The following NOS1 variants were observed in gnomAD, a reference collection of about 807,000 sequenced individuals.
NOS1 encodes the protein NOS type I.
NOS1 carries 51 observed loss-of-function variants against 164.5 expected under a neutral mutation model. The ratio of observed to expected loss-of-function variants is 0.31; its 90% CI spans 0.25 to 0.39. The LOEUF is 0.39. Among genes scored for constraint, NOS1 ranks in the 10% least tolerant of loss-of-function variants. NOS1 has a pLI of 1.00. For synonymous variants in NOS1, 719 were observed against 745.8 expected (o/e 0.96, Z 0.59); for missense variants, 1,362 against 1,885.6 (o/e 0.72, Z 5.14).
At chr12:117,276,605 G>A (rs563066151) in intron 9 of NOS1, among the ~76,000 whole-genome samples, 52 of 150,190 alleles carry the variant, frequency 3.5e-4, no homozygotes, top group African/African-American at 1.1e-3. Context: ...CCTCTTAACC[G>A]CCCCCATCTT....
chr12:117,208,883 G>T lies in NOS1; in HGVS notation c.*6426C>A. 2 of 608,328 alleles carry T rather than the reference G, an allele frequency of 3.3e-6. No individual in the cohort carries two copies. Among genetic ancestry groups the T allele is most frequent in the Non-Finnish European group, 4.1e-6 (2 of 485,238 alleles). The allele number at this position is 608,328 out of a possible 1,614,324, so 37.7% of individuals were successfully genotyped here. On this transcript the variant is annotated 3_prime_UTR_variant, in exon 29 of 29. Transcript: ENST00000317775. The stretch of plus-strand genomic sequence containing the variant: ...GATTACAGATGCCCGCCACCACGCC[G>T]GGCTGATTTTTGTATTTTTAGTAGA...
At chr12:117,237,322 G>A (rs765564775) in intron 20 of NOS1, among the ~76,000 whole-genome samples, 5 of 151,714 alleles carry the variant, frequency 3.3e-5, no homozygotes, top group Non-Finnish European at 5.9e-5. Flanking sequence ...AGCAGAGACA[G>A]GGTTTAACCA....
Position 117,259,091 on chromosome 12 carries a change from G to A in NOS1, c.2407C>T (p.His803Tyr). ...GTGACCACAAGGACCAGAGTTTCAT[G>A]TTCCAGGTGCACAATGTCATATTCT... ...MEEYDIVHLE[H>Y]ETLVLVVTST... is the part of the protein sequence containing the mutation. Residue 803 changes from histidine (H) to tyrosine (Y), a missense_variant, in exon 15 of 29, where the codon CAT becomes TAT. His to Tyr is a moderately conservative substitution (Grantham distance 83). Coordinates refer to ENST00000317775, the MANE Select transcript of NOS1 (RefSeq NM_000620.5). 1 of 1,614,150 alleles carries A rather than the reference G, an allele frequency of 6.2e-7. No homozygotes were observed. Among genetic ancestry groups the A allele is most frequent in the Non-Finnish European group, 8.5e-7 (1 of 1,180,008 alleles).
intron 7 of NOS1, among the ~76,000 whole-genome samples, chr12:117,284,364 C>T (rs954876621): frequency 2.6e-5 from 4 of 152,158 alleles, no homozygotes; most frequent in South Asian, 4.1e-4. Context: ...GACTTGCCAG[C>T]GTGGCCGCCA....
chr12:117,306,705 C>T (rs555979486), intron 3 of NOS1, among the ~76,000 whole-genome samples: 1 of 152,096 alleles, frequency 6.6e-6, no homozygotes, highest in Admixed American at 6.5e-5. Flanking sequence ...CTGCAACCTC[C>T]ACCTCCCAGG....
chr12:117,336,485 C>T (rs1350226941), intron 1 of NOS1, among the ~76,000 whole-genome samples: 1 of 152,138 alleles, frequency 6.6e-6, no homozygotes, highest in East Asian at 1.9e-4. Context: ...TGGACTGTGG[C>T]AGGTTCAGTT....
chr12:117,320,606 G>T (rs2136063769), intron 2 of NOS1, among the ~76,000 whole-genome samples: 1 of 152,304 alleles, frequency 6.6e-6, no homozygotes, highest in South Asian at 2.1e-4. Flanking sequence ...AGTGTGGGGT[G>T]ATTTGTTATG....
At chr12:117,281,519 CAA>C (rs56248436) in intron 7 of NOS1, among the ~76,000 whole-genome samples, 1 of 50,850 alleles carries the variant, frequency 2.0e-5, no homozygotes. Context: ...GACTCCATCT[CAA>C]AAAAAAAAAA....
intron 7 of NOS1, among the ~76,000 whole-genome samples, chr12:117,284,957 G>A (rs1007054713): frequency 6.6e-6 from 1 of 151,394 alleles, no homozygotes; most frequent in African/African-American, 2.4e-5. Flanking sequence ...GGCTGAGGCA[G>A]GAGAATCGCT....
rs567970918 is a variant in NOS1, at chr12:117,258,579, G to A, written c.2473-124C>T. 9.7e-5 allele frequency: 90 copies of A among 929,488 alleles called. 2 individuals carry two copies. The Middle Eastern group carries it at 8.8e-3, about 91-fold the overall frequency. The allele number at this position is 929,488 out of a possible 1,614,324, so 57.6% of individuals were successfully genotyped here. ...CTGATGCCCGGAGGCCAGGATGTCA[G>A]GAGCGGTCAGGGGCTCAGGCTGGAC... On this transcript the variant is annotated intron_variant, in intron 15 of 28. Coordinates refer to ENST00000317775, the MANE Select transcript of NOS1 (RefSeq NM_000620.5).
intron 2 of NOS1, among the ~76,000 whole-genome samples, chr12:117,313,372 G>GCAGC (rs1874525751): frequency 6.6e-6 from 1 of 152,060 alleles, no homozygotes; most frequent in Non-Finnish European, 1.5e-5. Flanking sequence ...ATAGCTCACT[G>GCAGC]CAGCCTTGAC....
chr12:117,315,661 C>A (rs1004026508), intron 2 of NOS1, among the ~76,000 whole-genome samples: 6 of 152,202 alleles, frequency 3.9e-5, no homozygotes, highest in Non-Finnish European at 8.8e-5. Flanking sequence ...GCTGGGGTTG[C>A]AGGAGCAGTG....
chr12:117,360,522 C>T (rs867756144), intron 1 of NOS1, among the ~76,000 whole-genome samples: 1 of 152,266 alleles, frequency 6.6e-6, no homozygotes, highest in African/African-American at 2.4e-5. Context: ...GGAGACGGCG[C>T]TCTTACACCC....
intron 1 of NOS1, among the ~76,000 whole-genome samples, chr12:117,358,612 T>A (rs1346609324): frequency 1.3e-5 from 2 of 152,122 alleles, no homozygotes; most frequent in African/African-American, 4.8e-5. Context: ...AACAGCCCCG[T>A]GTGGGAGTTA....
intron 5 of NOS1, 66 bp from the exon 6 acceptor site, chr12:117,286,332 G>A: frequency 4.5e-6 from 7 of 1,548,782 alleles, no homozygotes; most frequent in Non-Finnish European, 6.2e-6. Context: ...AGTGGAAGGG[G>A]AGAGCTATTC....
intron 26 of NOS1, 55 bp from the exon 27 acceptor site, chr12:117,220,324 T>C: frequency 6.6e-7 from 1 of 1,513,344 alleles, no homozygotes; most frequent in Non-Finnish European, 8.9e-7. Flanking sequence ...GTGCCTGCCA[T>C]AGCCCATGTC....
chr12:117,275,140 A>C (rs1345200983), intron 9 of NOS1, among the ~76,000 whole-genome samples: 1 of 152,152 alleles, frequency 6.6e-6, no homozygotes, highest in Non-Finnish European at 1.5e-5. Context: ...TGTACCGCAT[A>C]AATATATACA....
At chr12:117,299,155 G>A (rs1261649796) in intron 3 of NOS1, among the ~76,000 whole-genome samples, 2 of 152,348 alleles carry the variant, frequency 1.3e-5, no homozygotes, top group East Asian at 1.9e-4. Context: ...CTGGTTACAA[G>A]CTGGGACAGC....
In NOS1 at chr12:117,351,883, A is replaced by C. The variant is rs139741732; in HGVS notation, c.-421+9629T>G. On this transcript the variant is annotated intron_variant, in intron 1 of 28. Transcript: ENST00000317775. ...TCTTCTCCATCATCCAGAGGGGTCTAAAGTGTTCAAGAACCTGCTGAGCAT... is the reference window on the plus strand; with the variant it reads ...TCTTCTCCATCATCCAGAGGGGTCTCAAGTGTTCAAGAACCTGCTGAGCAT... Among the ~76,000 whole-genome samples, 472 of 152,344 alleles carry C rather than the reference A, an allele frequency of 3.1e-3. 1 individual carries two copies. Among genetic ancestry groups the C allele is most frequent in the Non-Finnish European group, 3.9e-3 (263 of 68,026 alleles).
Sources: allele counts gnomAD v4.1 joint callset (sites outside exome capture counted in the v4.1 genomes callset), GRCh38; gene constraint gnomAD v4.1.1; transcripts MANE v1.5; gene names NCBI Gene and HGNC (gene_info 2026-07-23, HGNC 2026-07-21).